The following HABP2 variants were observed in gnomAD, a reference collection of about 807,000 sequenced individuals.
The protein encoded by HABP2 is hyaluronan binding protein 2.
HABP2 carries 65 observed loss-of-function variants against 66.5 expected under a neutral mutation model. That is an observed-to-expected ratio of 0.98 (90% CI 0.80 to 1.20). The LOEUF (loss-of-function observed/expected upper bound fraction) is 1.20. Among genes scored for constraint, HABP2 ranks in the 50% most tolerant of loss-of-function variants. The pLI, the probability that HABP2 is intolerant of heterozygous loss-of-function variation, is 0.00. For synonymous variants in HABP2, 263 were observed against 253.9 expected, an observed-to-expected ratio of 1.04 and a Z score of -0.34; for missense variants, 786 against 691.0, an observed-to-expected ratio of 1.14 and a Z score of -1.54.
Position 113,588,417 on chromosome 10 carries a change from A to G in HABP2, c.*48A>G, listed in dbSNP as rs993899579. 6.7e-7 allele frequency: 1 copy of G among 1,494,222 alleles called. No individual in the cohort carries two copies. Among genetic ancestry groups the G allele is most frequent in the Admixed American group, 1.9e-5 (1 of 54,022 alleles). 92.6% of individuals were successfully genotyped at this position (1,494,222 alleles called of 1,614,324 possible). A position where few individuals can be genotyped will look rare whatever the true frequency, so the allele number is the denominator to read the frequency against. On this transcript the variant is annotated 3_prime_UTR_variant, in exon 13 of 13. Coordinates refer to ENST00000351270, the MANE Select transcript of HABP2 (RefSeq NM_004132.5). ...AGCCCACTCTCCTTGGCACCCTGACACCGGGAGGCCTCATGGCCAACAATG... is the reference window on the plus strand; with the variant it reads ...AGCCCACTCTCCTTGGCACCCTGACGCCGGGAGGCCTCATGGCCAACAATG...
At chr10:113,551,829 A>G, upstream of HABP2, among the ~76,000 whole-genome samples, 1 of 152,002 alleles carries the variant, frequency 6.6e-6, no homozygotes, top group Non-Finnish European at 1.5e-5. Context: ...TAATAATAAT[A>G]AAAAGAAAAA....
Position 113,588,310 on chromosome 10 carries a change from CAA to C in HABP2, c.1625_1626del (p.Gln542ArgfsTer15), listed in dbSNP as rs1254317698. The C allele has an allele frequency of 1.2e-6, 2 of 1,613,664 alleles. No individual in the cohort carries two copies. Among genetic ancestry groups the C allele is most frequent in the South Asian group, 1.1e-5 (1 of 91,000 alleles). ...TGGGAAGAGGCCAGGGGTCTACACC[CAA>C]GTTACCAAATTCCTGAATTGGATCA... The part of the protein sequence containing the change: ...ECGKRPGVYT[Q>X]VTKFLNWIKA... On this transcript the variant is annotated frameshift_variant, in exon 13 of 13. Transcript: ENST00000351270. LOFTEE classifies it high-confidence loss of function.
At chr10:113,566,393 G>C (rs3850689) in intron 1 of HABP2, among the ~76,000 whole-genome samples, 82,162 of 152,248 alleles carry the variant, frequency 0.54, 23,680 homozygotes, top group South Asian at 0.68. Context: ...AAGTGGAAGA[G>C]AGCATACTCC....
In HABP2 at chr10:113,588,565, C is replaced by T. The variant is rs1260985224; in HGVS notation, c.*196C>T. On this transcript the variant is annotated 3_prime_UTR_variant, in exon 13 of 13. Transcript: ENST00000351270. The stretch of plus-strand genomic sequence containing the variant: ...GCACAATATCACCAGGCTTCTTCTG[C>T]CTCCCTTGGTAACCCAAGGAATGAT... 7.3e-6 allele frequency: 4 copies of T among 545,154 alleles called. No individual in the cohort carries two copies. Among genetic ancestry groups the T allele is most frequent in the Non-Finnish European group, 1.3e-5 (4 of 310,566 alleles). 33.8% of individuals were successfully genotyped at this position (545,154 alleles called of 1,614,324 possible).
rs368274938 is a variant in HABP2 at position 113,587,085 on chromosome 10, C to T, written c.1519-1120C>T. ...ATCCCAGCACTTTGGGAGGCTGAGGCGGGCAGATCACCTGAGGTCAGGAGT... is the reference window on the plus strand; with the variant it reads ...ATCCCAGCACTTTGGGAGGCTGAGGTGGGCAGATCACCTGAGGTCAGGAGT... On this transcript the variant is annotated intron_variant, in intron 12 of 12. Coordinates refer to ENST00000351270, the MANE Select transcript of HABP2 (RefSeq NM_004132.5). Among the ~76,000 whole-genome samples the T allele has an allele frequency of 3.8e-4, 58 of 152,282 alleles. 1 individual carries two copies. In the East Asian group the frequency reaches 9.3e-3, roughly 24 times the overall value.
intron 11 of HABP2, among the ~76,000 whole-genome samples, chr10:113,585,523 A>G (rs938583757): frequency 1.3e-5 from 2 of 152,178 alleles, no homozygotes; most frequent in African/African-American, 4.8e-5. Context: ...TTAAGAGAGC[A>G]TCTATTTCCT....
chr10:113,553,233 G>A (rs1592678446), intron 1 of HABP2, 43 bp downstream of exon 1: 1 of 1,417,796 alleles, frequency 7.1e-7, no homozygotes, highest in Non-Finnish European at 1.0e-6. Flanking sequence ...AGACTCCGAA[G>A]TTTACTAGGA....
intron 1 of HABP2, among the ~76,000 whole-genome samples, chr10:113,556,414 G>A (rs1156863843): frequency 6.6e-6 from 1 of 152,140 alleles, no homozygotes; most frequent in Non-Finnish European, 1.5e-5. Flanking sequence ...CACCGCTGCT[G>A]TTATTAGATG....
chr10:113,572,721 GC>G (rs1218021130), intron 2 of HABP2: 1 of 453,828 alleles, frequency 2.2e-6, no homozygotes, highest in Non-Finnish European at 4.4e-6. Context: ...TGGATCCTCA[GC>G]CCTAAAAAGG....
At chr10:113,557,283 T>G (rs370700775) in intron 1 of HABP2, among the ~76,000 whole-genome samples, 4 of 152,268 alleles carry the variant, frequency 2.6e-5, no homozygotes, top group African/African-American at 7.2e-5. Flanking sequence ...GGACTGATTT[T>G]CACTGCAAAT....
chr10:113,567,530 G>A lies in HABP2; in HGVS notation c.106+5G>A. The A allele has an allele frequency of 6.2e-7, 1 of 1,606,888 alleles. No individual in the cohort carries two copies. Among genetic ancestry groups the A allele is most frequent in the South Asian group, 1.1e-5 (1 of 90,908 alleles). ...TATTGGAAAGCCTGGACCCAGGTAA[G>A]TGTGCTGATCTCCCTGGGGCTTCCC... On this transcript the variant is annotated splice_donor_5th_base_variant and intron_variant, in intron 2 of 12. Transcript: ENST00000351270.
chr10:113,577,186 G>A lies in HABP2; in HGVS notation c.368G>A (p.Gly123Asp), dbSNP rs1845426970. 2 of 1,612,516 alleles carry A rather than the reference G, an allele frequency of 1.2e-6. No individual in the cohort carries two copies. Among genetic ancestry groups the A allele is most frequent in the African/African-American group, 1.3e-5 (1 of 75,000 alleles). Residue 123 changes from glycine (G) to aspartate (D), a missense_variant, in exon 5 of 13, where the codon GGC becomes GAC. Gly to Asp is a moderately conservative substitution (Grantham distance 94). Transcript: ENST00000351270. ...TGCAAGGACAACCCATGTGGCCGGG[G>A]CCAATGTCTCATTACCCAGAGTCCT... is the stretch of plus-strand genomic sequence containing the variant. Reference protein sequence around the residue: ...NTCKDNPCGRGQCLITQSPPY... With the variant: ...NTCKDNPCGRDQCLITQSPPY...
chr10:113,585,413 A>T (rs1845615496), intron 11 of HABP2, among the ~76,000 whole-genome samples: 1 of 152,224 alleles, frequency 6.6e-6, no homozygotes, highest in Admixed American at 6.5e-5. Context: ...TCTAGGAAGC[A>T]GGTAGCCTAC....
chr10:113,577,321 G>A, intron 5 of HABP2, 55 bp downstream of exon 5: 1 of 912,980 alleles, frequency 1.1e-6, no homozygotes, highest in Non-Finnish European at 1.8e-6. Flanking sequence ...TCTTGTACCT[G>A]CACCCTTCTG....
At chr10:113,554,584 C>A (rs977681900) in intron 1 of HABP2, among the ~76,000 whole-genome samples, 33 of 152,140 alleles carry the variant, frequency 2.2e-4, no homozygotes, top group Admixed American at 2.1e-3. Context: ...CATTTGATGG[C>A]TTGTTGGTGT....
intron 5 of HABP2, among the ~76,000 whole-genome samples, chr10:113,577,556 T>C (rs1332928186): frequency 2.0e-5 from 3 of 152,210 alleles, no homozygotes; most frequent in Non-Finnish European, 2.9e-5. Context: ...TGAATACATA[T>C]CGAGTCCCTG....
At chr10:113,561,255 A>G (rs1845095312) in intron 1 of HABP2, among the ~76,000 whole-genome samples, 1 of 152,148 alleles carries the variant, frequency 6.6e-6, no homozygotes. Flanking sequence ...GATGATTTCA[A>G]CTCAGGCTGA....
At chr10:113,572,359 T>C (rs935823090) in intron 2 of HABP2, among the ~76,000 whole-genome samples, 2 of 152,348 alleles carry the variant, frequency 1.3e-5, no homozygotes, top group African/African-American at 4.8e-5. Context: ...TCCCCATTTC[T>C]AAATATCTGC....
At chr10:113,561,369 G>A (rs1845097391) in intron 1 of HABP2, among the ~76,000 whole-genome samples, 1 of 152,112 alleles carries the variant, frequency 6.6e-6, no homozygotes. Context: ...TCCACTACTC[G>A]CTCTGGCCTT....
Sources: gnomAD v4.1 joint callset for allele counts (sites outside exome capture counted in the v4.1 genomes callset) on GRCh38, gnomAD v4.1.1 for gene constraint, MANE v1.5 for transcripts, NCBI Gene and HGNC (gene_info 2026-07-23, HGNC 2026-07-21) for gene names.